Variants in DYNC2H1 observed in about 807,000 individuals in gnomAD.
The protein encoded by DYNC2H1 is dynein cytoplasmic 2 heavy chain 1, also known as cytoplasmic dynein 2 heavy chain 1.
Under a neutral mutation model 570.0 loss-of-function variants are expected in DYNC2H1, and 410 were observed. The ratio of observed to expected loss-of-function variants is 0.72; its 90% CI spans 0.66 to 0.78. The LOEUF is 0.78. Ranked by LOEUF, DYNC2H1 falls within the 30% of genes least tolerant of loss-of-function variation. The pLI is 0.00. For synonymous variants in DYNC2H1, 1,688 were observed against 1,677.6 expected, an observed-to-expected ratio of 1.01 and a Z score of -0.15; for missense variants, 4,865 against 5,046.4, an observed-to-expected ratio of 0.96 and a Z score of 1.09.
At position 103,446,974 on chromosome 11, in the gene DYNC2H1, A is replaced by G. The variant is rs1246131487; in HGVS notation, c.12457-8212A>G. Among the ~76,000 whole-genome samples, 1 of 152,178 alleles carries G rather than the reference A, an allele frequency of 6.6e-6. No individual in the cohort carries two copies. The highest frequency in any genetic ancestry group is 1.5e-5 in the Non-Finnish European group (1 of 68,006). On this transcript the variant is annotated intron_variant, in intron 85 of 88. Coordinates refer to ENST00000375735, the MANE Select transcript of DYNC2H1 (RefSeq NM_001377.3). The surrounding 1 kb of genome is among the most constrained non-coding windows in gnomAD (Gnocchi z 4.5). ...ATACTGTGCCAAAAAGTAATTTTTAATAATCTTGTTTCCCATAGTGGTTCA... is the reference window on the plus strand; with the variant it reads ...ATACTGTGCCAAAAAGTAATTTTTAGTAATCTTGTTTCCCATAGTGGTTCA...
intron 82 of DYNC2H1, among the ~76,000 whole-genome samples, chr11:103,330,251 TTTTCA>T (rs1443846320): frequency 2.0e-5 from 3 of 152,170 alleles, no homozygotes; most frequent in Non-Finnish European, 2.9e-5. Context: ...ATATATGTAC[TTTTCA>T]TTTCATTGCT....
intron 45 of DYNC2H1, among the ~76,000 whole-genome samples, chr11:103,191,122 C>A (rs1862294288): frequency 6.7e-6 from 1 of 150,198 alleles, no homozygotes; most frequent in African/African-American, 2.5e-5. Flanking sequence ...TCACTGCAAC[C>A]TCTGCCTCCT....
intron 47 of DYNC2H1, among the ~76,000 whole-genome samples, chr11:103,192,664 A>G (rs796587658): frequency 2.0e-4 from 30 of 152,316 alleles, no homozygotes; most frequent in African/African-American, 5.3e-4. Context: ...TGTCATTAGC[A>G]TAGAACTTAC....
intron 47 of DYNC2H1, among the ~76,000 whole-genome samples, chr11:103,196,846 G>C (rs1329619146): frequency 6.6e-6 from 1 of 152,112 alleles, no homozygotes; most frequent in Non-Finnish European, 1.5e-5. Flanking sequence ...ATAAGTTTTA[G>C]TATAGTAGCC....
At position 103,305,348 on chromosome 11, in the gene DYNC2H1, G is replaced by T. The variant is rs972633222; in HGVS notation, c.11382+628G>T. ...CATGATTTTAATTCCATCAGCACAA[G>T]TAGAGATAGTGTTGGGGATGTCCAC... On this transcript the variant is annotated intron_variant, in intron 77 of 88. Coordinates refer to ENST00000375735, the MANE Select transcript of DYNC2H1 (RefSeq NM_001377.3). This position sits in a 1 kb window ranked among gnomAD's most constrained non-coding sequence, Gnocchi z 4.3. Among the ~76,000 whole-genome samples, 2 of 152,134 alleles carry T rather than the reference G, an allele frequency of 1.3e-5. No individual in the cohort carries two copies. The highest frequency in any genetic ancestry group is 4.8e-5 in the African/African-American group (2 of 41,428).
At chr11:103,115,847 A>G (rs1193722616) in intron 4 of DYNC2H1, among the ~76,000 whole-genome samples, 4 of 152,180 alleles carry the variant, frequency 2.6e-5, no homozygotes, top group Admixed American at 6.5e-5. Context: ...TATAGTGAAA[A>G]ACAAATATAA....
Position 103,188,648 on chromosome 11 carries a change from A to C in DYNC2H1, c.7292A>C (p.Asp2431Ala), listed in dbSNP as rs1453198466. The C allele has an allele frequency of 1.3e-6, 2 of 1,551,474 alleles. No individual in the cohort carries two copies. Among genetic ancestry groups the C allele is most frequent in the Admixed American group, 1.8e-5 (1 of 55,852 alleles). ...TCCATCGTTCGTCTTTGTTCTATAG[A>C]GTATGTATCTTTGTGTTTCAGATTT... ...FTSIVRLCSIDYPEREQLQTI... is the reference protein window; with the variant it reads ...FTSIVRLCSIAYPEREQLQTI... The change falls in exon 44 of 89, where the codon GAT (aspartate) becomes GCT (alanine). Residue 2431 changes from aspartate to alanine, a missense_variant and splice_region_variant. Transcript: ENST00000375735.
chr11:103,436,840 C>T (rs575643888), intron 85 of DYNC2H1, among the ~76,000 whole-genome samples: 1 of 152,168 alleles, frequency 6.6e-6, no homozygotes, highest in East Asian at 1.9e-4. Context: ...TGATTCTGGC[C>T]GATTCAGCCT....
In DYNC2H1 at chr11:103,363,661, G is replaced by C. The variant is rs1940765019; in HGVS notation, c.12156+5302G>C. Among the ~76,000 whole-genome samples, 2 of 152,148 alleles carry C rather than the reference G, an allele frequency of 1.3e-5. No homozygotes were observed. Among genetic ancestry groups the C allele is most frequent in the African/African-American group, 4.8e-5 (2 of 41,434 alleles). On this transcript the variant is annotated intron_variant, in intron 83 of 88. Coordinates refer to ENST00000375735, the MANE Select transcript of DYNC2H1 (RefSeq NM_001377.3). The surrounding 1 kb of genome is among the most constrained non-coding windows in gnomAD (Gnocchi z 5.6). ...AAAAACTACCATCATGTTGAAACTGGAATATGGAGATCCTGAAATGTTTCT... is the reference window on the plus strand; with the variant it reads ...AAAAACTACCATCATGTTGAAACTGCAATATGGAGATCCTGAAATGTTTCT...
At chr11:103,455,412 TTA>T (rs1944753190) in intron 86 of DYNC2H1, 117 bp downstream of exon 86, 1 of 790,310 alleles carries the variant, frequency 1.3e-6, no homozygotes, top group Admixed American at 2.2e-5. Flanking sequence ...TGAAACACAG[TTA>T]TGTTATTTTC....
intron 6 of DYNC2H1, 118 bp from the exon 7 acceptor site, chr11:103,120,329 T>G: frequency 1.0e-6 from 1 of 990,180 alleles, no homozygotes. Flanking sequence ...TATTGGTTTT[T>G]TCTTTTTTTA....
chr11:103,324,072 T>C lies in DYNC2H1; in HGVS notation c.12039+82T>C. 2 of 773,880 alleles carry C rather than the reference T, an allele frequency of 2.6e-6. No individual in the cohort carries two copies. Among genetic ancestry groups the C allele is most frequent in the Non-Finnish European group, 3.8e-6 (2 of 531,110 alleles). 47.9% of individuals were successfully genotyped at this position (773,880 alleles called of 1,614,324 possible). On this transcript the variant is annotated intron_variant, in intron 82 of 88. Coordinates refer to ENST00000375735, the MANE Select transcript of DYNC2H1 (RefSeq NM_001377.3). The surrounding 1 kb of genome is among the most constrained non-coding windows in gnomAD (Gnocchi z 5.2). ...CAAAATTAAACTTGATTTAGTACTG[T>C]AGACCCCACAAGCTTTATTTAAACA...
At position 103,272,679 on chromosome 11, in the gene DYNC2H1, A is replaced by T. The variant is rs746686250; in HGVS notation, c.10696-7669A>T. 3.9e-4 allele frequency among the ~76,000 whole-genome samples: 59 copies of T among 152,288 alleles called. No individual in the cohort carries two copies. The Middle Eastern group carries it at 0.02, about 53-fold the overall frequency. ...TTGAAACAAACCACTATGCCTGGAA[A>T]TGTGGACTTGATCTCAACTATAAGA... On this transcript the variant is annotated intron_variant, in intron 70 of 88. Transcript: ENST00000375735.
At chr11:103,315,983 G>A (rs1024679892) in intron 79 of DYNC2H1, among the ~76,000 whole-genome samples, 2 of 151,904 alleles carry the variant, frequency 1.3e-5, no homozygotes, top group African/African-American at 4.8e-5. Context: ...TTAGTCAATA[G>A]AAGCCATATA....
rs201484896 is a variant in DYNC2H1 at position 103,121,480 on chromosome 11, G to A, written c.1469G>A (p.Arg490His). The change falls in exon 10 of 89, where the codon CGC (arginine) becomes CAC (histidine). Residue 490 changes from arginine (R) to histidine (H), a missense_variant. Physicochemically the swap from Arg to His is conservative, Grantham distance 29 (BLOSUM62 0). Transcript: ENST00000375735. The part of the protein sequence containing the change: ...SEVVNSIVWV[R>H]QLELKVDDTI... ...GTTGTCAACAGTATAGTTTGGGTTC[G>A]CCAGTTGGAATTGAAGGTATTTATT... 113 of 1,611,868 alleles carry A rather than the reference G, an allele frequency of 7.0e-5. 4 individuals carry two copies. Among genetic ancestry groups the A allele is most frequent in the South Asian group, 5.5e-4 (50 of 90,500 alleles).
At chr11:103,376,387 CCTTT>C (rs1441225771) in intron 83 of DYNC2H1, among the ~76,000 whole-genome samples, 8 of 152,102 alleles carry the variant, frequency 5.3e-5, no homozygotes, top group Non-Finnish European at 1.0e-4. Context: ...GATCTTTGGT[CCTTT>C]CTTCTTGTTT....
At chr11:103,153,804 T>C (rs930641821) in intron 22 of DYNC2H1, among the ~76,000 whole-genome samples, 10 of 151,866 alleles carry the variant, frequency 6.6e-5, no homozygotes, top group Non-Finnish European at 1.0e-4. Flanking sequence ...AAATGAAATA[T>C]ATATAATTTT....
chr11:103,386,828 ACTC>A, intron 83 of DYNC2H1, among the ~76,000 whole-genome samples: 1 of 152,114 alleles, frequency 6.6e-6, no homozygotes, highest in Non-Finnish European at 1.5e-5. Flanking sequence ...AAGGACATGA[ACTC>A]ATCATTTTTT....
At position 103,170,186 on chromosome 11, in the gene DYNC2H1, C is replaced by T. The variant is rs201563576; in HGVS notation, c.5047C>T (p.Leu1683Phe). 2.9e-4 allele frequency: 471 copies of T among 1,613,044 alleles called. 5 individuals carry two copies. In the African/African-American group the frequency reaches 5.6e-3, roughly 19 times the overall value. Residue 1683 changes from leucine (L) to phenylalanine (F), a missense_variant, in exon 33 of 89, where the codon CTT (leucine) becomes TTT (phenylalanine). Physicochemically the swap from Leu to Phe is conservative, Grantham distance 22. This residue lies in a region of DYNC2H1 where 1,936 missense variants were observed against 1,962.1 expected (regional missense o/e 0.99). Coordinates refer to ENST00000375735, the MANE Select transcript of DYNC2H1 (RefSeq NM_001377.3). The surrounding 1 kb of genome is among the most constrained non-coding windows in gnomAD (Gnocchi z 4.8). ...LTLTQAMKMG[L>F]GGNPYGPAGT... The stretch of plus-strand genomic sequence containing the variant: ...TCTCACTCAAGCCATGAAGATGGGA[C>T]TTGGAGGAAATCCTTATGGACCAGC...
Sources: allele counts gnomAD v4.1 joint callset (sites outside exome capture counted in the v4.1 genomes callset), GRCh38; gene constraint gnomAD v4.1.1; regional missense constraint gnomAD v4.1.1; non-coding constraint Gnocchi (gnomAD v3.1); transcripts MANE v1.5; gene names NCBI Gene and HGNC (gene_info 2026-07-23, HGNC 2026-07-21).